The following CBX5 variants were observed in gnomAD, a reference collection of about 807,000 sequenced individuals.
CBX5 encodes chromobox 5, also known as chromobox protein homolog 5.
Under a neutral mutation model 20.7 loss-of-function variants are expected in CBX5, and 7 were observed. That is an observed-to-expected ratio of 0.34 (90% CI 0.19 to 0.63). The LOEUF is 0.63. Among genes scored for constraint, CBX5 ranks in the 30% least tolerant of loss-of-function variants. The pLI is 0.75. For synonymous variants in CBX5, 78 were observed against 77.0 expected, an observed-to-expected ratio of 1.01 and a Z score of -0.07; for missense variants, 110 against 224.1, an observed-to-expected ratio of 0.49 and a Z score of 3.25.
At chr12:54,265,218 T>G (rs1313036040) in intron 1 of CBX5, among the ~76,000 whole-genome samples, 2 of 152,208 alleles carry the variant, frequency 1.3e-5, no homozygotes, top group Admixed American at 1.3e-4. Context: ...GCATCCTCTA[T>G]ATAGCCTTAT....
chr12:54,260,093 C>G (rs1402716993), intron 1 of CBX5, among the ~76,000 whole-genome samples: 1 of 148,338 alleles, frequency 6.7e-6, no homozygotes, highest in East Asian at 2.0e-4. Flanking sequence ...CACTATATAA[C>G]TTTCCTTCTT....
At chr12:54,265,789 TC>T (rs1206786279) in intron 1 of CBX5, among the ~76,000 whole-genome samples, 1 of 152,170 alleles carries the variant, frequency 6.6e-6, no homozygotes, top group Non-Finnish European at 1.5e-5. Context: ...ACGGCTGTAA[TC>T]CCAGCACTTT....
intron 3 of CBX5, among the ~76,000 whole-genome samples, chr12:54,248,509 A>T (rs1342922902): frequency 1.3e-5 from 2 of 152,174 alleles, no homozygotes; most frequent in African/African-American, 2.4e-5. Context: ...CAAAATTCAC[A>T]ATTGGAAGGA....
chr12:54,238,805 G>C lies in CBX5; in HGVS notation c.*2950C>G, dbSNP rs1193822919. The stretch of plus-strand genomic sequence containing the variant: ...TGTGCTATAACTCTGAAGAAAGGGA[G>C]ATCTTTTAATGTTGATTACTGAAAG... On this transcript the variant is annotated 3_prime_UTR_variant, in exon 5 of 5. Coordinates refer to ENST00000209875, the MANE Select transcript of CBX5 (RefSeq NM_012117.3). 2.0e-5 allele frequency: 3 copies of C among 152,180 alleles called. No homozygotes were observed. Among genetic ancestry groups the C allele is most frequent in the Admixed American group, 2.0e-4 (3 of 15,280 alleles). 9.4% of individuals were successfully genotyped at this position (152,180 alleles called of 1,614,324 possible).
chr12:54,269,002 C>A (rs1943982966), intron 1 of CBX5, among the ~76,000 whole-genome samples: 1 of 152,184 alleles, frequency 6.6e-6, no homozygotes, highest in Admixed American at 6.5e-5. Context: ...GTGGCTCACG[C>A]CTATAATCCC....
intron 2 of CBX5, among the ~76,000 whole-genome samples, chr12:54,253,860 A>G (rs1412129607): frequency 1.3e-5 from 2 of 150,920 alleles, no homozygotes; most frequent in Non-Finnish European, 2.9e-5. Flanking sequence ...TCCTGGGTTC[A>G]AGCCATTCTT....
intron 2 of CBX5, chr12:54,252,520 G>A (rs1038273831): frequency 1.3e-5 from 4 of 307,070 alleles, no homozygotes; most frequent in Non-Finnish European, 2.3e-5. Context: ...ACAAAATGTG[G>A]TATATCCATA....
At chr12:54,251,639 C>G (rs935530081) in intron 3 of CBX5, among the ~76,000 whole-genome samples, 21 of 151,528 alleles carry the variant, frequency 1.4e-4, no homozygotes, top group African/African-American at 4.4e-4. Flanking sequence ...GAGCTGAGAT[C>G]CAGCCACTGC....
intron 1 of CBX5, among the ~76,000 whole-genome samples, chr12:54,263,097 A>G (rs1342464564): frequency 1.3e-5 from 2 of 152,220 alleles, no homozygotes; most frequent in Non-Finnish European, 2.9e-5. Flanking sequence ...GCGGTGGCTC[A>G]CGCCTGTAAT....
chr12:54,242,565 T>C (rs1046518825), intron 4 of CBX5, among the ~76,000 whole-genome samples: 5 of 151,686 alleles, frequency 3.3e-5, no homozygotes, highest in Admixed American at 6.6e-5. Flanking sequence ...GCTCTATTGA[T>C]TATGCACAAG....
At chr12:54,245,592 G>C (rs1943726889) in intron 4 of CBX5, among the ~76,000 whole-genome samples, 1 of 151,978 alleles carries the variant, frequency 6.6e-6, no homozygotes, top group Non-Finnish European at 1.5e-5. Context: ...GGGAGTTTGA[G>C]ACCAGCCTGA....
chr12:54,243,366 G>A (rs1230786152), intron 4 of CBX5, among the ~76,000 whole-genome samples: 1 of 151,160 alleles, frequency 6.6e-6, no homozygotes, highest in Admixed American at 6.6e-5. Context: ...ACTTGAGCCC[G>A]GGGCAACATA....
intron 1 of CBX5, among the ~76,000 whole-genome samples, 190 bp downstream of exon 1, chr12:54,279,818 G>A (rs188992326): frequency 1.7e-4 from 26 of 152,262 alleles, no homozygotes; most frequent in African/African-American, 5.8e-4. Context: ...CAAAGTCTTC[G>A]GCTGCACAGC....
At chr12:54,271,796 T>C (rs1944013078) in intron 1 of CBX5, 2 of 152,248 alleles carry the variant, frequency 1.3e-5, no homozygotes, top group Non-Finnish European at 2.9e-5. Flanking sequence ...GAAAATACTT[T>C]GGAAAATATA....
At chr12:54,271,265 T>A (rs1279340823) in intron 1 of CBX5, among the ~76,000 whole-genome samples, 1 of 152,212 alleles carries the variant, frequency 6.6e-6, no homozygotes, top group Non-Finnish European at 1.5e-5. Context: ...ATCTACCTGT[T>A]TTATCAATTA....
intron 1 of CBX5, among the ~76,000 whole-genome samples, chr12:54,279,713 C>T (rs1250885949): frequency 1.3e-5 from 2 of 152,156 alleles, no homozygotes; most frequent in Non-Finnish European, 2.9e-5. Context: ...AGACGCTGCT[C>T]AGAAGGGGAA....
At chr12:54,248,511 T>C (rs1943760462) in intron 3 of CBX5, among the ~76,000 whole-genome samples, 1 of 152,120 alleles carries the variant, frequency 6.6e-6, no homozygotes, top group Non-Finnish European at 1.5e-5. Context: ...AAATTCACAA[T>C]TGGAAGGACA....
Position 54,255,228 on chromosome 12 carries a change from A to C in CBX5, c.137+2286T>G, listed in dbSNP as rs537522549. Among the ~76,000 whole-genome samples, 10 of 152,250 alleles carry C rather than the reference A, an allele frequency of 6.6e-5. No homozygotes were observed. The South Asian group carries it at 1.0e-3, about 16-fold the overall frequency. On this transcript the variant is annotated intron_variant, in intron 2 of 4. Transcript: ENST00000209875. ...GATCGCTTGAACCCAAGAGAGCGAG[A>C]CCAGCCTGGGTAACACAGTGAGACC...
At chr12:54,255,771 G>A (rs1404976039) in intron 2 of CBX5, 1 of 151,996 alleles carries the variant, frequency 6.6e-6, no homozygotes, top group African/African-American at 2.4e-5. Context: ...CTCCTGGGAG[G>A]TCACTATATT....
Sources: gnomAD v4.1 joint callset for allele counts (sites outside exome capture counted in the v4.1 genomes callset) on GRCh38, gnomAD v4.1.1 for gene constraint, MANE v1.5 for transcripts, NCBI Gene and HGNC (gene_info 2026-07-23, HGNC 2026-07-21) for gene names.